Variants in SLC25A36 observed in about 807,000 individuals in gnomAD.
SLC25A36 encodes the protein epididymis secretory sperm binding protein.
In SLC25A36, 24 loss-of-function variants were observed where a neutral mutation model predicts 35.3. The observed-to-expected ratio is 0.68, with a 90% CI of 0.49 to 0.96. The LOEUF (loss-of-function observed/expected upper bound fraction) is 0.96. Among genes scored for constraint, SLC25A36 ranks in the 40% least tolerant of loss-of-function variants. The probability of loss-of-function intolerance (pLI) is 0.00; values close to 1 mark genes in which losing one functional copy is unlikely to be tolerated. For synonymous variants in SLC25A36, 141 were observed against 132.2 expected (o/e 1.07, Z -0.46); for missense variants, 294 against 381.1 (o/e 0.77, Z 1.90).
chr3:140,956,072 C>A (rs540528262), intron 1 of SLC25A36, among the ~76,000 whole-genome samples: 23 of 152,296 alleles, frequency 1.5e-4, no homozygotes, highest in Admixed American at 2.0e-4. Flanking sequence ...GGTTAACTAT[C>A]AGTGAGTTCT....
chr3:140,947,635 T>G (rs1269526103), intron 1 of SLC25A36, among the ~76,000 whole-genome samples: 1 of 152,170 alleles, frequency 6.6e-6, no homozygotes, highest in African/African-American at 2.4e-5. Context: ...TTGGCTAAAA[T>G]TTTCTGTATT....
At chr3:140,953,535 G>A (rs1248187512) in intron 1 of SLC25A36, among the ~76,000 whole-genome samples, 1 of 151,988 alleles carries the variant, frequency 6.6e-6, no homozygotes, top group Non-Finnish European at 1.5e-5. Flanking sequence ...AATTCTTACT[G>A]GTTTTCACAT....
At chr3:140,943,940 T>C (rs1934093974) in intron 1 of SLC25A36, among the ~76,000 whole-genome samples, 1 of 151,844 alleles carries the variant, frequency 6.6e-6, no homozygotes, top group African/African-American at 2.4e-5. Context: ...AACACACAGA[T>C]TAGGAGCTCC....
chr3:140,974,431 T>C (rs1934984665), intron 6 of SLC25A36, among the ~76,000 whole-genome samples: 2 of 152,138 alleles, frequency 1.3e-5, no homozygotes, highest in Admixed American at 6.6e-5. Context: ...TGAAAAGAAA[T>C]GTAAACATGA....
chr3:140,953,337 A>G (rs1934378677), intron 1 of SLC25A36, among the ~76,000 whole-genome samples: 1 of 148,116 alleles, frequency 6.8e-6, no homozygotes, highest in Non-Finnish European at 1.5e-5. Flanking sequence ...CTATAATCCT[A>G]CTACTTTTTG....
chr3:140,946,842 T>C (rs1310446635), intron 1 of SLC25A36, among the ~76,000 whole-genome samples: 1 of 152,130 alleles, frequency 6.6e-6, no homozygotes, highest in Non-Finnish European at 1.5e-5. Flanking sequence ...ATTGGATTAC[T>C]AGCCTGGAGT....
chr3:140,965,637 T>G (rs1164744913), intron 4 of SLC25A36: 2 of 151,880 alleles, frequency 1.3e-5, no homozygotes, highest in Non-Finnish European at 3.0e-5. Context: ...GGTCTTTTTA[T>G]TTGTTGTAGT....
intron 3 of SLC25A36, 66 bp downstream of exon 3, chr3:140,959,606 T>C (rs1934579275): frequency 1.5e-6 from 1 of 679,956 alleles, no homozygotes; most frequent in African/African-American, 1.9e-5. Context: ...CACACCTGGA[T>C]TTAATCATTT....
intron 2 of SLC25A36, among the ~76,000 whole-genome samples, chr3:140,959,004 G>C (rs1479490593): frequency 3.2e-5 from 4 of 125,864 alleles, no homozygotes; most frequent in African/African-American, 6.5e-5. Flanking sequence ...GTGTGTGTGT[G>C]TGTGTTTTCT....
chr3:140,952,050 C>G (rs1934342511), intron 1 of SLC25A36, among the ~76,000 whole-genome samples: 1 of 144,170 alleles, frequency 6.9e-6, no homozygotes, highest in Admixed American at 6.9e-5. Flanking sequence ...GAGTTTCACT[C>G]TTGTTGCCCA....
Position 140,978,961 on chromosome 3 carries a change from G to A in SLC25A36, c.*2508G>A, listed in dbSNP as rs1277237902. 1 of 152,106 alleles carries A rather than the reference G, an allele frequency of 6.6e-6. No homozygotes were observed. The highest frequency in any genetic ancestry group is 2.4e-5 in the African/African-American group (1 of 41,430). The allele number at this position is 152,106 out of a possible 1,614,324, so 9.4% of individuals were successfully genotyped here. ...TAACTTGTTTTCATCTGTTTATCAT[G>A]ACTTTTTTATTTCTGGTGTAGAGTC... On this transcript the variant is annotated 3_prime_UTR_variant, in exon 7 of 7. Transcript: ENST00000324194.
intron 1 of SLC25A36, among the ~76,000 whole-genome samples, chr3:140,949,629 T>C (rs1453671854): frequency 6.6e-6 from 1 of 152,236 alleles, no homozygotes; most frequent in African/African-American, 2.4e-5. Context: ...AATCTGGGTA[T>C]ACCAGGGGTA....
In SLC25A36 at chr3:140,977,827, T is replaced by C. The variant is rs1935087859; in HGVS notation, c.*1374T>C. On this transcript the variant is annotated 3_prime_UTR_variant, in exon 7 of 7. Coordinates refer to ENST00000324194, the MANE Select transcript of SLC25A36 (RefSeq NM_001104647.3). ...TTTCAGTATACCTGAACTGTACATT[T>C]TGTGCAATGGCTTTATCTAAAAGAA... 6.6e-6 allele frequency: 1 copy of C among 152,158 alleles called. No individual in the cohort carries two copies. Among genetic ancestry groups the C allele is most frequent in the African/African-American group, 2.4e-5 (1 of 41,440 alleles). The allele number at this position is 152,158 out of a possible 1,614,324, so 9.4% of individuals were successfully genotyped here.
intron 6 of SLC25A36, 53 bp downstream of exon 6, chr3:140,974,058 C>T: frequency 1.6e-6 from 2 of 1,233,538 alleles, no homozygotes; most frequent in Non-Finnish European, 2.3e-6. Context: ...CAGCCAACAG[C>T]TCACTTATTA....
intron 3 of SLC25A36, among the ~76,000 whole-genome samples, chr3:140,960,736 T>C (rs1486485001): frequency 1.3e-5 from 2 of 152,204 alleles, no homozygotes; most frequent in Non-Finnish European, 2.9e-5. Flanking sequence ...CATGGCACCA[T>C]GTGTAGGTGC....
intron 1 of SLC25A36, among the ~76,000 whole-genome samples, chr3:140,946,251 C>A (rs1559809222): frequency 1.3e-5 from 2 of 152,154 alleles, no homozygotes; most frequent in African/African-American, 2.4e-5. Flanking sequence ...GATGATGAAT[C>A]TTACTGAGAT....
At chr3:140,945,199 T>C (rs1934130589) in intron 1 of SLC25A36, among the ~76,000 whole-genome samples, 1 of 152,172 alleles carries the variant, frequency 6.6e-6, no homozygotes, top group Non-Finnish European at 1.5e-5. Flanking sequence ...CTAGCCAAGA[T>C]CTCTGGTGTC....
chr3:140,950,883 C>CGTGT (rs531377561), intron 1 of SLC25A36, among the ~76,000 whole-genome samples: 5 of 144,142 alleles, frequency 3.5e-5, no homozygotes, highest in African/African-American at 1.4e-4. Context: ...TTTTATCCAG[C>CGTGT]GTGTGTGTGT....
Position 140,973,932 on chromosome 3 carries a change from A to G in SLC25A36, c.669A>G (p.Ala223=), listed in dbSNP as rs768465497. ...ATGATGAAGAGTCTGTGAAAGAAGC[A>G]TCAGATTTTGTGGGAATGATGCTAG... is the stretch of plus-strand genomic sequence containing the variant. The part of the protein sequence containing the change: ...MENDEESVKE[A]SDFVGMMLAA... The change falls in exon 6 of 7, where the codon GCA becomes GCG. Residue 223 remains alanine (A), a synonymous_variant. Transcript: ENST00000324194. The G allele has an allele frequency of 5.0e-6, 8 of 1,610,322 alleles. No homozygotes were observed. The highest frequency in any genetic ancestry group is 6.8e-6 in the Non-Finnish European group (8 of 1,177,648).
Sources: gnomAD v4.1 joint callset for allele counts (sites outside exome capture counted in the v4.1 genomes callset) on GRCh38, gnomAD v4.1.1 for gene constraint, MANE v1.5 for transcripts, NCBI Gene and HGNC (gene_info 2026-07-23, HGNC 2026-07-21) for gene names.